The following BTBD9 variants were observed in gnomAD, a reference collection of about 807,000 sequenced individuals.
BTBD9 encodes BTB/POZ domain-containing protein 9.
In BTBD9, 49 loss-of-function variants were observed where a neutral mutation model predicts 64.3. The observed-to-expected ratio is 0.76, with a 90% CI of 0.61 to 0.97. The LOEUF is 0.97. Among genes scored for constraint, BTBD9 ranks in the 50% least tolerant of loss-of-function variants. The pLI is 0.00. For synonymous variants in BTBD9, 260 were observed against 274.7 expected, an observed-to-expected ratio of 0.95 and a Z score of 0.53; for missense variants, 598 against 762.1, an observed-to-expected ratio of 0.78 and a Z score of 2.53.
At chr6:38,229,255 T>C (rs1248265142) in intron 9 of BTBD9, among the ~76,000 whole-genome samples, 1 of 151,892 alleles carries the variant, frequency 6.6e-6, no homozygotes, top group African/African-American at 2.4e-5. Context: ...CTTCATCTGA[T>C]ACACACAGAA....
intron 7 of BTBD9, among the ~76,000 whole-genome samples, chr6:38,309,379 A>G (rs116063711): frequency 0.022 from 3,284 of 150,414 alleles, 47 homozygotes; most frequent in Middle Eastern, 0.041. Flanking sequence ...CCAAATAAAC[A>G]AACAAACAAA....
rs1562363119 is a variant in BTBD9 at position 38,575,881 on chromosome 6, C to T, written c.1154+1719G>A. On this transcript the variant is annotated intron_variant, in intron 6 of 10. Coordinates refer to ENST00000481247, the MANE Select transcript of BTBD9 (RefSeq NM_001099272.2). ...TCTAAACACGTAACAGCTCTACCAA[C>T]AAAGTCAAGGCCAGACAGGAAAGAC... Among the ~76,000 whole-genome samples, 4 of 152,058 alleles carry T rather than the reference C, an allele frequency of 2.6e-5. 1 individual carries two copies. In the South Asian group the frequency reaches 8.3e-4, roughly 32 times the overall value.
intron 9 of BTBD9, among the ~76,000 whole-genome samples, chr6:38,253,790 CTT>C (rs935180380): frequency 2.0e-5 from 3 of 152,076 alleles, no homozygotes; most frequent in African/African-American, 4.8e-5. Flanking sequence ...AAATTAACCA[CTT>C]TGTTTCCCCC....
At chr6:38,601,676 A>G (rs979385133) in intron 1 of BTBD9, among the ~76,000 whole-genome samples, 1 of 152,136 alleles carries the variant, frequency 6.6e-6, no homozygotes, top group Non-Finnish European at 1.5e-5. Context: ...ACACAGCAAG[A>G]CCCTGTCTCA....
chr6:38,268,866 T>C (rs2127542793), intron 8 of BTBD9, among the ~76,000 whole-genome samples: 1 of 152,362 alleles, frequency 6.6e-6, no homozygotes, highest in East Asian at 1.9e-4. Flanking sequence ...GCGAACTTAC[T>C]ACTGCCCCTC....
chr6:38,616,347 T>C (rs541790463), intron 1 of BTBD9, among the ~76,000 whole-genome samples: 3 of 152,326 alleles, frequency 2.0e-5, no homozygotes, highest in Non-Finnish European at 4.4e-5. Flanking sequence ...TTTACTTATA[T>C]AATGGCCATC....
At chr6:38,375,706 C>G (rs960224695) in intron 6 of BTBD9, among the ~76,000 whole-genome samples, 4 of 152,052 alleles carry the variant, frequency 2.6e-5, no homozygotes, top group Non-Finnish European at 5.9e-5. Flanking sequence ...TTGGAAAATC[C>G]AGCTATGGTT....
Position 38,342,723 on chromosome 6 carries a change from C to A in BTBD9, c.1264+2261G>T, listed in dbSNP as rs141414008. ...AGCATCTGCAATTTAAAAATAACTC[C>A]AGGTGATTTTGACATACCTGTACCC... On this transcript the variant is annotated intron_variant, in intron 7 of 10. Transcript: ENST00000481247. Among the ~76,000 whole-genome samples, 578 of 152,106 alleles carry A rather than the reference C, an allele frequency of 3.8e-3. 4 individuals carry two copies. Among genetic ancestry groups the A allele is most frequent in the African/African-American group, 0.013 (548 of 41,478 alleles).
chr6:38,230,964 T>A (rs75714740), intron 9 of BTBD9, among the ~76,000 whole-genome samples: 9,858 of 152,210 alleles, frequency 0.065, 539 homozygotes, highest in East Asian at 0.27. Context: ...ATCTGTTATT[T>A]CCCCCTACTA....
chr6:38,348,079 G>A (rs1418344654), intron 6 of BTBD9, among the ~76,000 whole-genome samples: 2 of 152,134 alleles, frequency 1.3e-5, no homozygotes, highest in South Asian at 2.1e-4. Flanking sequence ...AAAGTGGGAG[G>A]AGGGAGCACA....
intron 6 of BTBD9, among the ~76,000 whole-genome samples, chr6:38,539,027 A>C (rs976235158): frequency 6.6e-6 from 1 of 152,092 alleles, no homozygotes; most frequent in African/African-American, 2.4e-5. Context: ...GATGGTCTCA[A>C]ACTACTGAGC....
chr6:38,359,712 G>A (rs945122565), intron 6 of BTBD9, among the ~76,000 whole-genome samples: 1 of 152,106 alleles, frequency 6.6e-6, no homozygotes, highest in African/African-American at 2.4e-5. Context: ...AGGAAGGAAA[G>A]GTGGGGGAAA....
intron 7 of BTBD9, among the ~76,000 whole-genome samples, chr6:38,301,272 T>C (rs1466223540): frequency 1.3e-5 from 2 of 152,228 alleles, no homozygotes; most frequent in South Asian, 2.1e-4. Flanking sequence ...CAGTATTTTA[T>C]TGAGGATTTT....
At chr6:38,618,296 C>T (rs548746621) in intron 1 of BTBD9, among the ~76,000 whole-genome samples, 1 of 152,326 alleles carries the variant, frequency 6.6e-6, no homozygotes, top group Admixed American at 6.5e-5. Flanking sequence ...AAAATGGCCA[C>T]CTGAGGGAAG....
chr6:38,234,680 T>C (rs1358977878), intron 9 of BTBD9, among the ~76,000 whole-genome samples: 1 of 152,222 alleles, frequency 6.6e-6, no homozygotes, highest in Non-Finnish European at 1.5e-5. Context: ...GAATGGCATC[T>C]TACAGACGTG....
intron 6 of BTBD9, among the ~76,000 whole-genome samples, chr6:38,424,963 C>G (rs761497892): frequency 6.6e-6 from 1 of 150,958 alleles, no homozygotes; most frequent in Non-Finnish European, 1.5e-5. Context: ...CTCAGCCTCC[C>G]GTAGCTGGGA....
chr6:38,258,821 C>T (rs140634130), intron 8 of BTBD9, among the ~76,000 whole-genome samples: 172 of 152,280 alleles, frequency 1.1e-3, no homozygotes, highest in East Asian at 3.7e-3. Flanking sequence ...ATCCAGGAGG[C>T]GGAGCTTGCA....
intron 9 of BTBD9, among the ~76,000 whole-genome samples, chr6:38,200,913 G>C (rs767482078): frequency 5.8e-4 from 88 of 152,226 alleles, no homozygotes; most frequent in Non-Finnish European, 7.8e-4. Context: ...CCAGCTACTT[G>C]GGAGGCTGAG....
chr6:38,329,614 C>T (rs1335433262), intron 7 of BTBD9, among the ~76,000 whole-genome samples: 3 of 152,036 alleles, frequency 2.0e-5, no homozygotes, highest in Non-Finnish European at 2.9e-5. Context: ...TGAGCCACGG[C>T]GCCCTGCCTA....
Sources: allele counts gnomAD v4.1 joint callset (sites outside exome capture counted in the v4.1 genomes callset), GRCh38; gene constraint gnomAD v4.1.1; transcripts MANE v1.5; gene names NCBI Gene and HGNC (gene_info 2026-07-23, HGNC 2026-07-21).